The following INSYN2B variants were observed in gnomAD, a reference collection of about 807,000 sequenced individuals.
INSYN2B encodes inhibitory synaptic factor family member 2B.
Under a neutral mutation model 41.2 loss-of-function variants are expected in INSYN2B, and 16 were observed. The ratio of observed to expected loss-of-function variants is 0.39; its 90% CI spans 0.26 to 0.59. The LOEUF (loss-of-function observed/expected upper bound fraction) is 0.59. Ranked by LOEUF, INSYN2B falls within the 20% of genes least tolerant of loss-of-function variation. The probability of loss-of-function intolerance (pLI) is 0.57; values close to 1 mark genes in which losing one functional copy is unlikely to be tolerated. For missense variants in INSYN2B, 608 were observed against 646.4 expected (o/e 0.94, Z 0.64); for synonymous variants, 245 against 244.4 (o/e 1.00, Z -0.02).
At position 169,980,288 on chromosome 5, in the gene INSYN2B, G is replaced by T. The variant is rs1777893876; in HGVS notation, c.-930C>A. 1 of 152,168 alleles carries T rather than the reference G, an allele frequency of 6.6e-6. No homozygotes were observed. The highest frequency in any genetic ancestry group is 6.5e-5 in the Admixed American group (1 of 15,272). The allele number at this position is 152,168 out of a possible 1,614,324, so 9.4% of individuals were successfully genotyped here. A position where few individuals can be genotyped will look rare whatever the true frequency, so the allele number is the denominator to read the frequency against. On this transcript the variant is annotated 5_prime_UTR_variant, in exon 1 of 4. Coordinates refer to ENST00000377365, the MANE Select transcript of INSYN2B (RefSeq NM_001129891.3). ...CCCACATCTCTTACCTTGAAGCAGT[G>T]GAATTACCTGCAGAGGATGGTCCCC...
At chr5:169,865,004 A>G (rs982624609) in intron 3 of INSYN2B, among the ~76,000 whole-genome samples, 3 of 152,218 alleles carry the variant, frequency 2.0e-5, no homozygotes, top group East Asian at 3.8e-4. Context: ...TATTACCGCT[A>G]TCATCATCAT....
At chr5:169,866,028 A>G (rs1281830976) in intron 3 of INSYN2B, among the ~76,000 whole-genome samples, 2 of 152,048 alleles carry the variant, frequency 1.3e-5, no homozygotes, top group Non-Finnish European at 2.9e-5. Context: ...CTGAAGAGTC[A>G]GAGGGGCGAG....
chr5:169,914,957 G>A (rs553138647), intron 1 of INSYN2B, among the ~76,000 whole-genome samples: 1 of 152,302 alleles, frequency 6.6e-6, no homozygotes, highest in South Asian at 2.1e-4. Context: ...CCCAGAGCTG[G>A]CAGCCAGACA....
At chr5:169,898,821 G>A (rs541282840) in intron 1 of INSYN2B, among the ~76,000 whole-genome samples, 2 of 152,184 alleles carry the variant, frequency 1.3e-5, no homozygotes, top group African/African-American at 2.4e-5. Flanking sequence ...CAAACAGGTA[G>A]CAGGCAAGAT....
chr5:169,896,066 T>A (rs1011420337), intron 1 of INSYN2B, among the ~76,000 whole-genome samples: 1 of 151,884 alleles, frequency 6.6e-6, no homozygotes, highest in Non-Finnish European at 1.5e-5. Flanking sequence ...CCTTTCTGTT[T>A]CCCAGTCCCA....
intron 1 of INSYN2B, among the ~76,000 whole-genome samples, chr5:169,929,019 T>C (rs1018606097): frequency 6.6e-6 from 1 of 152,212 alleles, no homozygotes; most frequent in African/African-American, 2.4e-5. Flanking sequence ...CTGTTCATCT[T>C]TGTGCCCTGA....
intron 1 of INSYN2B, among the ~76,000 whole-genome samples, chr5:169,947,202 C>A (rs1026841633): frequency 1.3e-5 from 2 of 152,222 alleles, no homozygotes; most frequent in Admixed American, 6.5e-5. Context: ...CTCAAGCAGT[C>A]TGATAGGGGA....
chr5:169,877,362 A>G (rs577171044), intron 3 of INSYN2B, among the ~76,000 whole-genome samples: 2 of 152,336 alleles, frequency 1.3e-5, no homozygotes, highest in Non-Finnish European at 1.5e-5. Context: ...AAAAAGGTCA[A>G]TTCACGTTCA....
chr5:169,895,136 C>T (rs1046897819), intron 1 of INSYN2B, among the ~76,000 whole-genome samples: 1 of 152,212 alleles, frequency 6.6e-6, no homozygotes, highest in Non-Finnish European at 1.5e-5. Context: ...CTGTGTAGCA[C>T]ACCTTTAATT....
At chr5:169,919,691 A>G (rs1259786109) in intron 1 of INSYN2B, among the ~76,000 whole-genome samples, 1 of 152,112 alleles carries the variant, frequency 6.6e-6, no homozygotes, top group African/African-American at 2.4e-5. Flanking sequence ...TTCCTTTGGT[A>G]AGCAGTGCAC....
At chr5:169,905,296 T>TTC (rs1256071853) in intron 1 of INSYN2B, among the ~76,000 whole-genome samples, 1 of 149,712 alleles carries the variant, frequency 6.7e-6, no homozygotes, top group African/African-American at 2.5e-5. Context: ...AGCCAGTGTT[T>TTC]TTTTTTTTTT....
intron 1 of INSYN2B, among the ~76,000 whole-genome samples, chr5:169,932,554 A>G (rs187498524): frequency 3.3e-5 from 5 of 152,328 alleles, no homozygotes. Flanking sequence ...TTTTGCCGTC[A>G]GTTTTGGGTT....
At chr5:169,867,245 A>C (rs1771623039) in intron 3 of INSYN2B, among the ~76,000 whole-genome samples, 1 of 152,246 alleles carries the variant, frequency 6.6e-6, no homozygotes, top group Admixed American at 6.5e-5. Context: ...CAATCAGATT[A>C]GATTCCGGCC....
At chr5:169,936,911 A>G (rs1776025941) in intron 1 of INSYN2B, among the ~76,000 whole-genome samples, 1 of 152,228 alleles carries the variant, frequency 6.6e-6, no homozygotes, top group Non-Finnish European at 1.5e-5. Flanking sequence ...AATAATTCAA[A>G]CATACTTACA....
intron 3 of INSYN2B, among the ~76,000 whole-genome samples, chr5:169,872,771 T>C (rs1772066373): frequency 6.6e-6 from 1 of 152,202 alleles, no homozygotes. Context: ...GAAAGTCTTC[T>C]GAAAGTAGGA....
chr5:169,957,989 A>T (rs773447107), intron 1 of INSYN2B, among the ~76,000 whole-genome samples: 1 of 152,182 alleles, frequency 6.6e-6, no homozygotes, highest in Non-Finnish European at 1.5e-5. Context: ...GCTCACCTTG[A>T]CTGAGATGCT....
chr5:169,930,477 T>A (rs1015514952), intron 1 of INSYN2B, among the ~76,000 whole-genome samples: 26 of 152,250 alleles, frequency 1.7e-4, no homozygotes, highest in African/African-American at 6.3e-4. Flanking sequence ...TCCTCTGAAA[T>A]GTGAGCTTCA....
chr5:169,929,562 C>G (rs1020010461), intron 1 of INSYN2B, among the ~76,000 whole-genome samples: 1 of 151,764 alleles, frequency 6.6e-6, no homozygotes, highest in Non-Finnish European at 1.5e-5. Flanking sequence ...CATGATGAAA[C>G]CTTGTCTCTA....
In INSYN2B at chr5:169,883,668, G is replaced by A. The variant is rs375183051; in HGVS notation, c.231C>T (p.Pro77=). ...ACCTGGGGAAGGAGAGCGAGTAGGT[G>A]GGGGGAAGATGGTGCCTGGTTGCTT... ...KTQATRHHLP[P]TYSLSFPRSQ... is the part of the protein sequence containing the mutation. Residue 77 remains proline (P), a synonymous_variant, in exon 2 of 4, where the codon CCC becomes CCT. Coordinates refer to ENST00000377365, the MANE Select transcript of INSYN2B (RefSeq NM_001129891.3). 178 of 1,550,872 alleles carry A rather than the reference G, an allele frequency of 1.1e-4. 1 individual carries two copies. The African/African-American group carries it at 1.7e-3, about 15-fold the overall frequency.
Sources: allele counts gnomAD v4.1 joint callset (sites outside exome capture counted in the v4.1 genomes callset), GRCh38; gene constraint gnomAD v4.1.1; transcripts MANE v1.5; gene names NCBI Gene and HGNC (gene_info 2026-07-23, HGNC 2026-07-21).